The following MINDY4B variants were observed in gnomAD, a reference collection of about 807,000 sequenced individuals.
MINDY4B encodes the protein inactive ubiquitin carboxyl-terminal hydrolase MINDY-4B.
MINDY4B carries 25 observed loss-of-function variants against 16.7 expected under a neutral mutation model. The ratio of observed to expected loss-of-function variants is 1.49; its 90% confidence interval spans 1.09 to 2.09. MINDY4B has a LOEUF of 2.09. Among genes scored for constraint, MINDY4B ranks in the 30% most tolerant of loss-of-function variants. MINDY4B has a pLI of 0.00. For missense variants in MINDY4B, 327 were observed against 168.4 expected (o/e 1.94, Z -5.21); for synonymous variants, 132 against 61.9 (o/e 2.13, Z -5.32).
intron 11 of MINDY4B, among the ~76,000 whole-genome samples, chr3:150,872,357 A>G (rs1202377561): frequency 6.6e-6 from 1 of 152,254 alleles, no homozygotes; most frequent in African/African-American, 2.4e-5. Context: ...GCTTTTCCAC[A>G]TGTAATAATG....
intron 10 of MINDY4B, among the ~76,000 whole-genome samples, chr3:150,878,008 C>A (rs1300549382): frequency 1.3e-5 from 2 of 152,072 alleles, no homozygotes; most frequent in Admixed American, 6.6e-5. Flanking sequence ...CTGACACTTG[C>A]CTAGCTGCTA....
At chr3:150,893,797 TCTC>T (rs1220147038) in intron 4 of MINDY4B, among the ~76,000 whole-genome samples, 2 of 151,700 alleles carry the variant, frequency 1.3e-5, no homozygotes, top group African/African-American at 4.8e-5. Flanking sequence ...TTCAAGCAAT[TCTC>T]CTACCTTAGC....
At chr3:150,894,084 G>C in intron 4 of MINDY4B, 102 bp downstream of exon 4, 1 of 544,924 alleles carries the variant, frequency 1.8e-6, no homozygotes, top group Non-Finnish European at 3.2e-6. Flanking sequence ...TTCTACACAT[G>C]ATTATAATGA....
intron 10 of MINDY4B, among the ~76,000 whole-genome samples, chr3:150,877,222 C>T (rs530701516): frequency 7.9e-5 from 12 of 152,206 alleles, no homozygotes; most frequent in South Asian, 4.2e-4. Context: ...TCAGGCAGCA[C>T]GTTGGTTTTC....
At chr3:150,895,106 G>C (rs1711927099) in intron 3 of MINDY4B, among the ~76,000 whole-genome samples, 1 of 152,118 alleles carries the variant, frequency 6.6e-6, no homozygotes, top group Non-Finnish European at 1.5e-5. Flanking sequence ...TGGGATAAGT[G>C]CTTCCCATTT....
At chr3:150,885,996 A>T (rs1428871214) in intron 7 of MINDY4B, among the ~76,000 whole-genome samples, 2 of 152,206 alleles carry the variant, frequency 1.3e-5, no homozygotes, top group Admixed American at 6.5e-5. Flanking sequence ...GTAATTAATT[A>T]TTTGAACCTT....
intron 5 of MINDY4B, among the ~76,000 whole-genome samples, chr3:150,892,782 TAA>T (rs35470998): frequency 5.1e-5 from 7 of 138,250 alleles, no homozygotes; most frequent in Non-Finnish European, 7.8e-5. Flanking sequence ...CTAGCTCTAC[TAA>T]AAAAAAAAAA....
Position 150,893,332 on chromosome 3 carries a change from G to A in MINDY4B, c.513C>T (p.Asn171=), listed in dbSNP as rs188580478. The change falls in exon 5 of 12, where the codon AAC becomes AAT. Residue 171 remains asparagine, a synonymous_variant. Transcript: ENST00000465419. The part of the protein sequence containing the change: ...LLFTRKGKDC[N]LGNLCEISKK... ...TCTCACAGTCCTCTTACTTGCCAAG[G>A]TTACAGTCTTTTCCTTTCCTGGTAA... 28 of 702,736 alleles carry A rather than the reference G, an allele frequency of 4.0e-5. No individual in the cohort carries two copies. In the African/African-American group the frequency reaches 4.4e-4, roughly 11 times the overall value. 43.5% of individuals were successfully genotyped at this position (702,736 alleles called of 1,614,324 possible).
intron 10 of MINDY4B, among the ~76,000 whole-genome samples, chr3:150,878,539 T>C (rs915153544): frequency 3.3e-5 from 5 of 152,248 alleles, no homozygotes; most frequent in South Asian, 2.1e-4. Flanking sequence ...GCAGAATTCA[T>C]AGGTATCTCT....
chr3:150,898,281 G>A (rs1175582704), intron 3 of MINDY4B, among the ~76,000 whole-genome samples: 1 of 152,218 alleles, frequency 6.6e-6, no homozygotes, highest in Non-Finnish European at 1.5e-5. Context: ...GAAAAGCTGT[G>A]TATAAATGTG....
intron 2 of MINDY4B, 124 bp from the exon 3 acceptor site, chr3:150,903,540 G>A (rs1712166360): frequency 1.8e-5 from 7 of 396,336 alleles, no homozygotes; most frequent in East Asian, 3.6e-5. Flanking sequence ...TTTTAAAGAC[G>A]TCTGAAAATT....
intron 5 of MINDY4B, among the ~76,000 whole-genome samples, chr3:150,891,559 C>A (rs926535408): frequency 1.3e-5 from 2 of 151,944 alleles, no homozygotes; most frequent in Non-Finnish European, 2.9e-5. Context: ...GTCAGGAGTT[C>A]AAGACCAGCT....
intron 3 of MINDY4B, among the ~76,000 whole-genome samples, chr3:150,897,710 A>C (rs2107909597): frequency 6.6e-6 from 1 of 152,310 alleles, no homozygotes; most frequent in Middle Eastern, 3.4e-3. Flanking sequence ...GTCTCTACTG[A>C]GAAAAGGGGG....
intron 7 of MINDY4B, among the ~76,000 whole-genome samples, chr3:150,889,469 A>T (rs1711710436): frequency 6.6e-6 from 1 of 152,176 alleles, no homozygotes; most frequent in Non-Finnish European, 1.5e-5. Context: ...GTCATCCAGG[A>T]TCCTTCCCCT....
intron 10 of MINDY4B, 127 bp from the exon 11 acceptor site, chr3:150,873,494 T>C (rs1395585008): frequency 1.4e-5 from 8 of 589,430 alleles, no homozygotes; most frequent in Non-Finnish European, 2.4e-5. Flanking sequence ...TGCAGGGCAC[T>C]GTACATAGAG....
chr3:150,878,710 T>C (rs1278819350), intron 10 of MINDY4B, among the ~76,000 whole-genome samples: 1 of 152,188 alleles, frequency 6.6e-6, no homozygotes, highest in Non-Finnish European at 1.5e-5. Flanking sequence ...AGCAGGCATT[T>C]GGGTGATGGT....
chr3:150,871,367 G>A (rs1716963771), intron 11 of MINDY4B, among the ~76,000 whole-genome samples, 180 bp from the exon 12 acceptor site: 1 of 152,118 alleles, frequency 6.6e-6, no homozygotes, highest in Non-Finnish European at 1.5e-5. Context: ...CATACAGAAT[G>A]AGTCAGTGGT....
chr3:150,889,221 A>G (rs1040546982), intron 7 of MINDY4B, among the ~76,000 whole-genome samples: 1 of 152,238 alleles, frequency 6.6e-6, no homozygotes, highest in African/African-American at 2.4e-5. Flanking sequence ...TAAAATCAAG[A>G]TGTCAGCAGG....
Position 150,870,935 on chromosome 3 carries a change from G to C in MINDY4B, c.*110C>G. 1.7e-6 allele frequency: 1 copy of C among 605,176 alleles called. No individual in the cohort carries two copies. The highest frequency in any genetic ancestry group is 2.9e-6 in the Non-Finnish European group (1 of 341,460). 37.5% of individuals were successfully genotyped at this position (605,176 alleles called of 1,614,324 possible). The stretch of plus-strand genomic sequence containing the variant: ...CTAATGGTATATATATATATTTTTT[G>C]GTGGGGCTTGTGAATGAGAAATATG... On this transcript the variant is annotated 3_prime_UTR_variant, in exon 12 of 12. Transcript: ENST00000465419.
Sources: gnomAD v4.1 joint callset for allele counts (sites outside exome capture counted in the v4.1 genomes callset) on GRCh38, gnomAD v4.1.1 for gene constraint, MANE v1.5 for transcripts, NCBI Gene and HGNC (gene_info 2026-07-23, HGNC 2026-07-21) for gene names.